The following COG3 variants were observed in gnomAD, a reference collection of about 807,000 sequenced individuals.
The protein encoded by COG3 is component of oligomeric golgi complex 3.
Under a neutral mutation model 114.1 loss-of-function variants are expected in COG3, and 32 were observed. The observed-to-expected ratio is 0.28, with a 90% confidence interval of 0.21 to 0.38. COG3 has a LOEUF of 0.38. COG3 is among the 10% of genes least tolerant of loss of function. COG3 has a pLI of 1.00. For missense variants in COG3, 813 were observed against 973.2 expected (o/e 0.84, Z 2.19); for synonymous variants, 352 against 365.7 (o/e 0.96, Z 0.43).
At chr13:45,503,501 C>A in intron 14 of COG3, 152 bp downstream of exon 14, 1 of 582,656 alleles carries the variant, frequency 1.7e-6, no homozygotes, top group Non-Finnish European at 3.1e-6. Context: ...AGACAGAATT[C>A]AGTGGTGAGT....
intron 19 of COG3, among the ~76,000 whole-genome samples, chr13:45,522,219 G>A (rs948432532): frequency 1.2e-4 from 18 of 152,004 alleles, no homozygotes; most frequent in Admixed American, 4.6e-4. Flanking sequence ...TGTAGGTCTC[G>A]GTATTTATCA....
intron 2 of COG3, among the ~76,000 whole-genome samples, chr13:45,477,570 A>G (rs1885952547): frequency 2.6e-5 from 4 of 151,980 alleles, no homozygotes; most frequent in African/African-American, 7.3e-5. Flanking sequence ...CTTTTAAATA[A>G]TAGATATTTT....
chr13:45,472,081 T>C (rs1885543743), intron 1 of COG3, among the ~76,000 whole-genome samples: 1 of 152,200 alleles, frequency 6.6e-6, no homozygotes, highest in Admixed American at 6.5e-5. Context: ...TTTAAACAGA[T>C]AATTCTCTAT....
At position 45,480,183 on chromosome 13, in the gene COG3, G is replaced by A. The variant is rs1308672986; in HGVS notation, c.442G>A (p.Val148Ile). 4 of 1,613,528 alleles carry A rather than the reference G, an allele frequency of 2.5e-6. No individual in the cohort carries two copies. The highest frequency in any genetic ancestry group is 2.7e-5 in the African/African-American group (2 of 74,894). The change falls in exon 4 of 23, where the codon GTA becomes ATA. Residue 148 changes from valine to isoleucine, a missense_variant. By Grantham distance (29) the Val-to-Ile change is conservative. Coordinates refer to ENST00000349995, the MANE Select transcript of COG3 (RefSeq NM_031431.4). ...GCAGTGTGATGCTATATTGAATGAT[G>A]TAAACAGTGCTCTTCAGCATCTGGA... ...QEQCDAILNDVNSALQHLESL... is the reference protein window; with the variant it reads ...QEQCDAILNDINSALQHLESL...
intron 1 of COG3, chr13:45,466,447 T>A (rs1885146292): frequency 6.6e-6 from 1 of 152,246 alleles, no homozygotes; most frequent in South Asian, 2.1e-4. Flanking sequence ...AAACGTTCTC[T>A]TCACATTCAC....
intron 9 of COG3, 35 bp from the exon 10 acceptor site, chr13:45,491,377 A>G (rs778470693): frequency 6.3e-7 from 1 of 1,585,926 alleles, no homozygotes; most frequent in Non-Finnish European, 8.6e-7. Context: ...TACATATCTG[A>G]AATGAAAAGT....
At chr13:45,465,402 C>G (rs1437451186) in intron 1 of COG3, 192 bp downstream of exon 1, 2 of 961,300 alleles carry the variant, frequency 2.1e-6, no homozygotes, top group Non-Finnish European at 2.9e-6. Context: ...GACCCCGACT[C>G]TAATTCTGCC....
Position 45,535,639 on chromosome 13 carries a change from C to A in COG3, c.*908C>A. 1 of 985,592 alleles carries A rather than the reference C, an allele frequency of 1.0e-6. No homozygotes were observed. The highest frequency in any genetic ancestry group is 1.2e-6 in the Non-Finnish European group (1 of 830,072). 61.1% of individuals were successfully genotyped at this position (985,592 alleles called of 1,614,324 possible). A position where few individuals can be genotyped will look rare whatever the true frequency, so the allele number is the denominator to read the frequency against. On this transcript the variant is annotated 3_prime_UTR_variant, in exon 23 of 23. Coordinates refer to ENST00000349995, the MANE Select transcript of COG3 (RefSeq NM_031431.4). ...TTTGAAAAGCAAACACTTTCATGTC[C>A]TGTCTATTCATTCAGCTGGCTGTGC...
chr13:45,479,983 C>T (rs35593696), intron 3 of COG3, 142 bp from the exon 4 acceptor site: 1 of 595,686 alleles, frequency 1.7e-6, no homozygotes, highest in African/African-American at 1.9e-5. Context: ...TGGTACATTT[C>T]TTAACATAAT....
At chr13:45,467,833 G>A (rs1885243969) in intron 1 of COG3, among the ~76,000 whole-genome samples, 1 of 152,112 alleles carries the variant, frequency 6.6e-6, no homozygotes. Flanking sequence ...ATTTTCTGTA[G>A]TGTTTCACAA....
At chr13:45,531,509 TG>T (rs201892408) in intron 22 of COG3, among the ~76,000 whole-genome samples, 8 of 149,922 alleles carry the variant, frequency 5.3e-5, no homozygotes, top group South Asian at 2.1e-4. Flanking sequence ...CTTGTGTTTT[TG>T]TTTTGTTTTG....
chr13:45,492,244 A>C lies in COG3; in HGVS notation c.1181A>C (p.Lys394Thr). The change falls in exon 11 of 23, where the codon AAA (lysine) becomes ACA (threonine). Residue 394 changes from lysine (K) to threonine (T), a missense_variant. Lys to Thr is a moderately conservative substitution (Grantham distance 78, BLOSUM62 -1). This residue lies in a region of COG3 where 389 missense variants were observed against 542.6 expected (regional missense o/e 0.72). Coordinates refer to ENST00000349995, the MANE Select transcript of COG3 (RefSeq NM_031431.4). ...GAATTTTTCACAAAACCAACATCAA[A>C]ATTAGAGTAGGTGGACATGGAATCT... The part of the protein sequence containing the change: ...YNEFFTKPTS[K>T]LDELLEKLCV... The C allele has an allele frequency of 6.3e-7, 1 of 1,589,870 alleles. No homozygotes were observed. The highest frequency in any genetic ancestry group is 1.3e-5 in the African/African-American group (1 of 74,256).
chr13:45,508,163 C>T (rs773114451), intron 14 of COG3, among the ~76,000 whole-genome samples: 2 of 140,158 alleles, frequency 1.4e-5, no homozygotes, highest in Non-Finnish European at 3.0e-5. Context: ...CTGTGCTATA[C>T]AACCTACAGG....
intron 1 of COG3, among the ~76,000 whole-genome samples, chr13:45,471,635 T>C (rs1000907735): frequency 2.6e-5 from 4 of 152,214 alleles, no homozygotes; most frequent in African/African-American, 9.6e-5. Context: ...TGGGTAGATA[T>C]GTGTTTTATC....
intron 12 of COG3, among the ~76,000 whole-genome samples, chr13:45,495,122 C>G (rs1819261): frequency 0.9 from 129,403 of 144,160 alleles, 58,308 homozygotes; most frequent in African/African-American, 0.94. Flanking sequence ...GGGATTACAG[C>G]CATGAGCCAC....
chr13:45,502,277 C>A (rs1353328801), intron 13 of COG3, among the ~76,000 whole-genome samples: 4 of 152,066 alleles, frequency 2.6e-5, no homozygotes, highest in Non-Finnish European at 4.4e-5. Context: ...GATAAGAATG[C>A]CTGTTTTAAT....
chr13:45,507,184 C>G (rs1870250409), intron 14 of COG3, among the ~76,000 whole-genome samples: 1 of 152,154 alleles, frequency 6.6e-6, no homozygotes, highest in Non-Finnish European at 1.5e-5. Context: ...TTTGACTAAA[C>G]TTTTATTTGG....
chr13:45,525,634 G>GTTTTTTTTTTT (rs59577529), intron 20 of COG3, among the ~76,000 whole-genome samples: 579 of 56,580 alleles, frequency 0.01, 51 homozygotes, highest in Middle Eastern at 0.067. Context: ...AGGGCTTTGG[G>GTTTTTTTTTTT]TTTTTTTTTT....
At chr13:45,531,898 T>G (rs1056538957) in intron 22 of COG3, 3 of 152,246 alleles carry the variant, frequency 2.0e-5, no homozygotes, top group African/African-American at 7.2e-5. Flanking sequence ...GAGATGTTCA[T>G]ATACTATAGA....
Sources: gnomAD v4.1 joint callset for allele counts (sites outside exome capture counted in the v4.1 genomes callset) on GRCh38, gnomAD v4.1.1 for gene constraint, gnomAD v4.1.1 regional missense constraint, MANE v1.5 for transcripts, NCBI Gene and HGNC (gene_info 2026-07-23, HGNC 2026-07-21) for gene names.